CLIP2: variants seen among roughly 807,000 people sequenced by gnomAD.
The protein encoded by CLIP2 is CAP-Gly domain containing linker protein 2.
Under a neutral mutation model 111.7 loss-of-function variants are expected in CLIP2, and 41 were observed. That is an observed-to-expected ratio of 0.37 (90% CI 0.29 to 0.48). CLIP2 has a LOEUF of 0.48. CLIP2 is among the 20% of genes least tolerant of loss of function. The pLI is 0.99. For synonymous variants in CLIP2, 660 were observed against 644.2 expected (o/e 1.02, Z -0.37); for missense variants, 1,160 against 1,422.1 (o/e 0.82, Z 2.96).
chr7:74,377,287 C>T (rs1790820081), intron 10 of CLIP2, among the ~76,000 whole-genome samples: 1 of 152,196 alleles, frequency 6.6e-6, no homozygotes, highest in African/African-American at 2.4e-5. Flanking sequence ...CCCTTTCTGC[C>T]AGTCCTAATG....
chr7:74,318,436 G>A (rs1211439623), intron 2 of CLIP2, among the ~76,000 whole-genome samples: 2 of 152,100 alleles, frequency 1.3e-5, no homozygotes, highest in East Asian at 1.9e-4. Context: ...AATTGAGCTG[G>A]GCATGGAGGC....
intron 3 of CLIP2, among the ~76,000 whole-genome samples, chr7:74,341,602 T>C (rs1554305403): frequency 6.6e-6 from 1 of 151,710 alleles, no homozygotes; most frequent in African/African-American, 2.4e-5. Context: ...CTTTTCTTTT[T>C]TTTTTTTTTG....
In CLIP2 at chr7:74,404,366, A is replaced by ACC; in HGVS notation, c.*518_*519insCC. On this transcript the variant is annotated 3_prime_UTR_variant, in exon 17 of 17. Coordinates refer to ENST00000223398, the MANE Select transcript of CLIP2 (RefSeq NM_003388.5). ...CCACTTCCAGGCCAAGGCAGTCGCC[A>ACC]GGGCTTCTTGTCCCCACCTTCTGAA... is the stretch of plus-strand genomic sequence containing the variant. 1 of 159,526 alleles carries ACC rather than the reference A, an allele frequency of 6.3e-6. No individual in the cohort carries two copies. Among genetic ancestry groups the ACC allele is most frequent in the Non-Finnish European group, 1.4e-5 (1 of 72,056 alleles). The allele number at this position is 159,526 out of a possible 1,614,324, so 9.9% of individuals were successfully genotyped here.
intron 8 of CLIP2, among the ~76,000 whole-genome samples, chr7:74,372,010 C>CA (rs1290334762): frequency 2.0e-5 from 3 of 152,134 alleles, no homozygotes; most frequent in African/African-American, 7.2e-5. Flanking sequence ...GCTGCTTTAA[C>CA]CCCTTCTCTC....
At chr7:74,347,413 T>C (rs981085765) in intron 3 of CLIP2, among the ~76,000 whole-genome samples, 18 of 152,022 alleles carry the variant, frequency 1.2e-4, no homozygotes, top group South Asian at 6.2e-4. Flanking sequence ...GGACTACAGG[T>C]GCCCGCCACC....
At chr7:74,337,239 A>G (rs1789499247) in intron 2 of CLIP2, among the ~76,000 whole-genome samples, 1 of 152,010 alleles carries the variant, frequency 6.6e-6, no homozygotes, top group South Asian at 2.1e-4. Context: ...GCTGGGCTGC[A>G]GCTTGGGGAG....
At chr7:74,350,203 C>G (rs1032513801) in intron 3 of CLIP2, among the ~76,000 whole-genome samples, 6 of 151,980 alleles carry the variant, frequency 3.9e-5, no homozygotes, top group African/African-American at 1.5e-4. Context: ...AGGCGCCCAC[C>G]ACCACGCCCA....
At chr7:74,296,263 C>CTA (rs2116444651) in intron 1 of CLIP2, among the ~76,000 whole-genome samples, 1 of 152,184 alleles carries the variant, frequency 6.6e-6, no homozygotes, top group African/African-American at 2.4e-5. Context: ...AATCCCAACA[C>CTA]TTTGGGAGGC....
chr7:74,292,948 AAC>A (rs1264355708), intron 1 of CLIP2, among the ~76,000 whole-genome samples: 1 of 152,146 alleles, frequency 6.6e-6, no homozygotes, highest in Non-Finnish European at 1.5e-5. Context: ...GCAAAGTCCA[AAC>A]ACGCTATCTA....
chr7:74,384,290 C>G (rs782649592), intron 11 of CLIP2, among the ~76,000 whole-genome samples: 32 of 152,074 alleles, frequency 2.1e-4, no homozygotes, highest in Non-Finnish European at 4.4e-4. Context: ...TTTGTTGATC[C>G]ATTCCTCAGC....
chr7:74,372,054 T>A (rs1554311973), intron 8 of CLIP2, among the ~76,000 whole-genome samples: 1 of 152,136 alleles, frequency 6.6e-6, no homozygotes, highest in Non-Finnish European at 1.5e-5. Context: ...GGCTTCTCCC[T>A]AAGATGAACT....
At chr7:74,295,246 G>A (rs1310128989) in intron 1 of CLIP2, among the ~76,000 whole-genome samples, 1 of 152,176 alleles carries the variant, frequency 6.6e-6, no homozygotes, top group African/African-American at 2.4e-5. Flanking sequence ...ATAGGTGTGA[G>A]CCACTGCACC....
At chr7:74,368,001 C>CCA (rs1238588749) in intron 8 of CLIP2, among the ~76,000 whole-genome samples, 1 of 152,006 alleles carries the variant, frequency 6.6e-6, no homozygotes, top group African/African-American at 2.4e-5. Context: ...TTGATTAAGC[C>CCA]CAGAAGTTCG....
rs563353005 is a variant in CLIP2, at chr7:74,310,911, C to T, written c.-67-6569C>T. ...TGGATTTTTGGTAGAGATGGGGTTT[C>T]GCCATGTTGCCCAGGCTGGTCTCCA... On this transcript the variant is annotated intron_variant, in intron 1 of 16. Transcript: ENST00000223398. 2.8e-4 allele frequency among the ~76,000 whole-genome samples: 43 copies of T among 151,794 alleles called. No homozygotes were observed. The South Asian group carries it at 6.7e-3, about 23-fold the overall frequency.
intron 13 of CLIP2, among the ~76,000 whole-genome samples, chr7:74,390,158 GAAAGAAGAAAGA>G (rs1198383709): frequency 1.2e-4 from 5 of 41,892 alleles, no homozygotes; most frequent in East Asian, 4.4e-4. Flanking sequence ...GAAAAAGAAA[GAAAGAAGAAAGA>G]AAGAAAGAAA....
chr7:74,335,692 T>TTC (rs782360520), intron 2 of CLIP2, among the ~76,000 whole-genome samples: 13 of 150,662 alleles, frequency 8.6e-5, no homozygotes, highest in Middle Eastern at 3.4e-3. Flanking sequence ...CCTTCCTTTC[T>TTC]CTTTTTTTCT....
chr7:74,300,389 G>T (rs1441593622), intron 1 of CLIP2, among the ~76,000 whole-genome samples: 1 of 151,672 alleles, frequency 6.6e-6, no homozygotes, highest in Non-Finnish European at 1.5e-5. Context: ...TGTGGTATTT[G>T]ATTTTCCGAG....
At chr7:74,293,450 C>T (rs1184856808) in intron 1 of CLIP2, among the ~76,000 whole-genome samples, 4 of 152,152 alleles carry the variant, frequency 2.6e-5, no homozygotes, top group African/African-American at 7.2e-5. Flanking sequence ...CCTGAGTCCA[C>T]GGGACCTCCC....
chr7:74,371,350 C>A (rs1015377881), intron 8 of CLIP2, among the ~76,000 whole-genome samples: 1 of 150,328 alleles, frequency 6.7e-6, no homozygotes, highest in African/African-American at 2.4e-5. Context: ...CTTGCCTGTG[C>A]GGGCTACCAG....
Sources: allele counts gnomAD v4.1 joint callset (sites outside exome capture counted in the v4.1 genomes callset), GRCh38; gene constraint gnomAD v4.1.1; transcripts MANE v1.5; gene names NCBI Gene and HGNC (gene_info 2026-07-23, HGNC 2026-07-21).